The following KAZN variants were observed in gnomAD, a reference collection of about 807,000 sequenced individuals.
The protein encoded by KAZN is kazrin.
In KAZN, 40 loss-of-function variants were observed where a neutral mutation model predicts 87.4. The ratio of observed to expected loss-of-function variants is 0.46; its 90% CI spans 0.36 to 0.60. The LOEUF (loss-of-function observed/expected upper bound fraction) is 0.60. Among genes scored for constraint, KAZN ranks in the 20% least tolerant of loss-of-function variants. The pLI is 0.00. For synonymous variants in KAZN, 466 were observed against 458.3 expected, an observed-to-expected ratio of 1.02 and a Z score of -0.22; for missense variants, 898 against 1,073.9, an observed-to-expected ratio of 0.84 and a Z score of 2.29.
intron 1 of KAZN, among the ~76,000 whole-genome samples, chr1:14,719,056 T>C (rs1642956801): frequency 6.6e-6 from 1 of 152,106 alleles, no homozygotes; most frequent in Non-Finnish European, 1.5e-5. Flanking sequence ...GTGGCTCCCA[T>C]CATAATCTAC....
chr1:15,108,511 A>G (rs1641376904), intron 13 of KAZN, among the ~76,000 whole-genome samples: 1 of 152,244 alleles, frequency 6.6e-6, no homozygotes, highest in African/African-American at 2.4e-5. Context: ...AGGGCTTTGC[A>G]GAGGGTTTGC....
At chr1:14,973,399 C>T (rs1419638380) in intron 2 of KAZN, among the ~76,000 whole-genome samples, 6 of 152,208 alleles carry the variant, frequency 3.9e-5, no homozygotes, top group Non-Finnish European at 7.3e-5. Context: ...ACCTCCTTGG[C>T]CAGTTGCCAT....
intron 2 of KAZN, among the ~76,000 whole-genome samples, chr1:14,516,925 A>G (rs1318658719): frequency 6.6e-6 from 1 of 152,186 alleles, no homozygotes; most frequent in African/African-American, 2.4e-5. Flanking sequence ...CTAGAAGTAA[A>G]GAATCTCATT....
At chr1:14,296,895 G>A (rs950654436) in intron 2 of KAZN, among the ~76,000 whole-genome samples, 15 of 152,154 alleles carry the variant, frequency 9.9e-5, no homozygotes, top group African/African-American at 3.4e-4. Flanking sequence ...CCAAAGTGCT[G>A]GGATTACAGG....
At chr1:14,815,699 G>C (rs1344480992) in intron 1 of KAZN, among the ~76,000 whole-genome samples, 1 of 152,134 alleles carries the variant, frequency 6.6e-6, no homozygotes, top group African/African-American at 2.4e-5. Flanking sequence ...ACAAACCTGG[G>C]AACTTACAGA....
intron 2 of KAZN, among the ~76,000 whole-genome samples, chr1:14,448,092 C>T (rs1667083132): frequency 6.6e-6 from 1 of 152,158 alleles, no homozygotes; most frequent in Non-Finnish European, 1.5e-5. Context: ...CTCAACAAGC[C>T]CTGGTAGCAT....
upstream of KAZN, among the ~76,000 whole-genome samples, chr1:14,595,264 G>C (rs542222229): frequency 6.6e-5 from 10 of 152,196 alleles, no homozygotes; most frequent in Non-Finnish European, 1.3e-4. Context: ...TGAAAAGGGG[G>C]ATGCCGTGGT....
chr1:14,911,870 C>T (rs527620881), intron 1 of KAZN, among the ~76,000 whole-genome samples: 60 of 152,180 alleles, frequency 3.9e-4, no homozygotes, highest in Non-Finnish European at 7.1e-4. Flanking sequence ...GGAAAAGCCT[C>T]GGCCAGGCAC....
chr1:14,203,336 C>T (rs12565011), intron 2 of KAZN, among the ~76,000 whole-genome samples: 17 of 152,236 alleles, frequency 1.1e-4, no homozygotes, highest in African/African-American at 4.1e-4. Context: ...AGCCATGAAC[C>T]TAAGTCGTAA....
intron 1 of KAZN, among the ~76,000 whole-genome samples, chr1:14,698,467 C>T (rs1641738862): frequency 6.6e-6 from 1 of 152,358 alleles, no homozygotes; most frequent in Admixed American, 6.5e-5. Flanking sequence ...TGGCTTGCTG[C>T]TTCGAGGCTG....
chr1:13,894,733 C>G (rs1178748693), intron 1 of KAZN, among the ~76,000 whole-genome samples: 1 of 152,182 alleles, frequency 6.6e-6, no homozygotes, highest in African/African-American at 2.4e-5. Context: ...GACTGCACCC[C>G]CCTTCCTGGG....
chr1:14,568,666 G>T (rs1010094465), intron 2 of KAZN, among the ~76,000 whole-genome samples: 1 of 152,148 alleles, frequency 6.6e-6, no homozygotes, highest in African/African-American at 2.4e-5. Context: ...GGTGGGATTT[G>T]GGTGGGGACA....
At chr1:14,279,508 A>G (rs1360184035) in intron 2 of KAZN, among the ~76,000 whole-genome samples, 1 of 152,236 alleles carries the variant, frequency 6.6e-6, no homozygotes, top group African/African-American at 2.4e-5. Flanking sequence ...TCTGTTAAGC[A>G]GACATCTCTT....
At chr1:14,053,714 C>T (rs550172939) in intron 1 of KAZN, among the ~76,000 whole-genome samples, 11 of 152,258 alleles carry the variant, frequency 7.2e-5, no homozygotes, top group African/African-American at 1.4e-4. Context: ...GGTATACAGA[C>T]GAATACAGCT....
At chr1:15,085,608 G>A (rs553607990) in intron 8 of KAZN, among the ~76,000 whole-genome samples, 4 of 152,044 alleles carry the variant, frequency 2.6e-5, no homozygotes, top group South Asian at 4.2e-4. Context: ...GATTACAGGC[G>A]TGAGCCACCA....
intron 2 of KAZN, among the ~76,000 whole-genome samples, chr1:14,457,033 T>C (rs916146246): frequency 1.3e-5 from 2 of 152,148 alleles, no homozygotes; most frequent in Non-Finnish European, 2.9e-5. Flanking sequence ...TGAGCCAAGA[T>C]CGCACCACTG....
upstream of KAZN, among the ~76,000 whole-genome samples, chr1:14,597,332 G>C (rs1676576333): frequency 6.6e-6 from 1 of 152,128 alleles, no homozygotes; most frequent in African/African-American, 2.4e-5. Flanking sequence ...CAGGGGAATG[G>C]AGCAAGACTG....
chr1:14,618,793 T>C (rs184233150), intron 1 of KAZN, among the ~76,000 whole-genome samples: 2 of 152,310 alleles, frequency 1.3e-5, no homozygotes, highest in African/African-American at 4.8e-5. Flanking sequence ...AGTACAGTGA[T>C]AGTAGTATGT....
At chr1:14,166,610 T>TTTAA (rs1645832130) in intron 1 of KAZN, among the ~76,000 whole-genome samples, 1 of 151,652 alleles carries the variant, frequency 6.6e-6, no homozygotes, top group Admixed American at 6.6e-5. Flanking sequence ...TTGGTACTAT[T>TTTAA]GTGTTACTAT....
Sources: gnomAD v4.1 joint callset for allele counts (sites outside exome capture counted in the v4.1 genomes callset) on GRCh38, gnomAD v4.1.1 for gene constraint, MANE v1.5 for transcripts, NCBI Gene and HGNC (gene_info 2026-07-23, HGNC 2026-07-21) for gene names.